The following TMEM170A variants were observed in gnomAD, a reference collection of about 807,000 sequenced individuals.
TMEM170A encodes transmembrane protein 170.
Under a neutral mutation model 12.8 loss-of-function variants are expected in TMEM170A, and 18 were observed. That is an observed-to-expected ratio of 1.41 (90% CI 0.97 to 2.09). The LOEUF (loss-of-function observed/expected upper bound fraction) is 2.09, where lower values mean the gene tolerates loss of function less well. Among genes scored for constraint, TMEM170A ranks in the 30% most tolerant of loss-of-function variants. The pLI, the probability that TMEM170A is intolerant of heterozygous loss-of-function variation, is 0.00. For synonymous variants in TMEM170A, 107 were observed against 76.2 expected (o/e 1.40, Z -2.11); for missense variants, 220 against 179.9 (o/e 1.22, Z -1.28).
chr16:75,464,658 C>G lies in TMEM170A; in HGVS notation c.-58G>C, dbSNP rs891286109. 111 of 1,534,500 alleles carry G rather than the reference C, an allele frequency of 7.2e-5. No individual in the cohort carries two copies. The highest frequency in any genetic ancestry group is 9.2e-5 in the Non-Finnish European group (106 of 1,148,444). ...CGAGCGCCCGAAGTGCGGTAGCGGC[C>G]GGCGCCGACTCACCCTCGCCGCCTC... On this transcript the variant is annotated 5_prime_UTR_variant, in exon 1 of 3. Transcript: ENST00000561878.
chr16:75,448,977 C>A (rs1233387470), intron 2 of TMEM170A, among the ~76,000 whole-genome samples: 1 of 151,958 alleles, frequency 6.6e-6, no homozygotes, highest in East Asian at 1.9e-4. Context: ...AGGGGGATCA[C>A]TTGAGCTAGG....
chr16:75,463,606 C>T (rs28502535), intron 1 of TMEM170A, among the ~76,000 whole-genome samples: 11,793 of 152,246 alleles, frequency 0.077, 923 homozygotes, highest in African/African-American at 0.2. Context: ...TTTATGAAGA[C>T]CTCAGTCCCC....
chr16:75,449,940 A>G (rs545386906), intron 2 of TMEM170A, among the ~76,000 whole-genome samples: 1 of 152,348 alleles, frequency 6.6e-6, no homozygotes, highest in South Asian at 2.1e-4. Context: ...CAGACTATTC[A>G]TAGAGCCTTA....
chr16:75,458,823 A>G (rs2079846403), intron 1 of TMEM170A: 1 of 152,242 alleles, frequency 6.6e-6, no homozygotes, highest in Admixed American at 6.5e-5. Flanking sequence ...ACATATCAGT[A>G]AAAAGACTAA....
At chr16:75,450,304 T>C (rs2079660311) in intron 2 of TMEM170A, among the ~76,000 whole-genome samples, 1 of 151,972 alleles carries the variant, frequency 6.6e-6, no homozygotes, top group South Asian at 2.1e-4. Context: ...TTCTATATTA[T>C]AAAAATGTAT....
chr16:75,449,653 T>A (rs994259419), intron 2 of TMEM170A, among the ~76,000 whole-genome samples: 5 of 152,326 alleles, frequency 3.3e-5, no homozygotes, highest in Non-Finnish European at 7.3e-5. Context: ...TATATTAACA[T>A]ATTTTAACAA....
At chr16:75,453,361 G>C (rs897638960) in intron 1 of TMEM170A, among the ~76,000 whole-genome samples, 1 of 152,168 alleles carries the variant, frequency 6.6e-6, no homozygotes, top group Non-Finnish European at 1.5e-5. Flanking sequence ...TTGAGCCTGG[G>C]AGGCAGAGGT....
intron 1 of TMEM170A, among the ~76,000 whole-genome samples, chr16:75,455,965 A>G (rs758127490): frequency 2.6e-5 from 4 of 151,896 alleles, no homozygotes; most frequent in Non-Finnish European, 4.4e-5. Flanking sequence ...CTGTAAGCAC[A>G]CTGTTAGTGT....
intron 2 of TMEM170A, among the ~76,000 whole-genome samples, chr16:75,447,989 C>T: frequency 6.6e-6 from 1 of 152,148 alleles, no homozygotes; most frequent in East Asian, 1.9e-4. Flanking sequence ...ATAGCAATTC[C>T]CACATGACCA....
At position 75,464,589 on chromosome 16, in the gene TMEM170A, C is replaced by T; in HGVS notation, c.12G>A (p.Glu4=). 6.3e-7 allele frequency: 1 copy of T among 1,586,052 alleles called. No homozygotes were observed. Among genetic ancestry groups the T allele is most frequent in the Non-Finnish European group, 8.6e-7 (1 of 1,168,858 alleles). Residue 4 remains glutamate, a synonymous_variant, in exon 1 of 3, where the codon GAG becomes GAA. Coordinates refer to ENST00000561878, the MANE Select transcript of TMEM170A (RefSeq NM_145254.3). Reference sequence around the variant, plus strand: ...CCGACCCGCCGCTGCCGCCGCTCCCCTCGCGCTCCATCCCGTCGCCATTCA... The same window carrying T: ...CCGACCCGCCGCTGCCGCCGCTCCCTTCGCGCTCCATCCCGTCGCCATTCA... MER[E]GSGGSGGSAG...
In TMEM170A at chr16:75,446,125, A is replaced by C. The variant is rs1365661341; in HGVS notation, c.*1433T>G. ...GGGTGGCAGAGGTTGGAGTGAGCTG[A>C]GATTGCACCACTGCACTCCAGCCTG... On this transcript the variant is annotated 3_prime_UTR_variant, in exon 3 of 3. Coordinates refer to ENST00000561878, the MANE Select transcript of TMEM170A (RefSeq NM_145254.3). The C allele has an allele frequency of 6.6e-6, 1 of 151,708 alleles. No individual in the cohort carries two copies. The highest frequency in any genetic ancestry group is 2.4e-5 in the African/African-American group (1 of 41,292). 9.4% of individuals were successfully genotyped at this position (151,708 alleles called of 1,614,324 possible). A position where few individuals can be genotyped will look rare whatever the true frequency, so the allele number is the denominator to read the frequency against.
intron 1 of TMEM170A, chr16:75,458,224 T>C (rs1206605276): frequency 6.6e-6 from 1 of 152,224 alleles, no homozygotes; most frequent in Admixed American, 6.5e-5. Context: ...CATCTCCCTA[T>C]GGTGAAGGTA....
intron 2 of TMEM170A, 116 bp downstream of exon 2, chr16:75,451,553 T>G: frequency 9.1e-7 from 1 of 1,100,444 alleles, no homozygotes; most frequent in East Asian, 2.5e-5. Flanking sequence ...CTGTCTGGAC[T>G]TGCAGTTAAA....
chr16:75,458,850 G>C (rs1410327140), intron 1 of TMEM170A: 1 of 152,054 alleles, frequency 6.6e-6, no homozygotes, highest in African/African-American at 2.4e-5. Context: ...TACCCTAAAA[G>C]ATATTTGAGG....
rs1179733742 is a variant in TMEM170A, at chr16:75,443,213, C to T, written c.*4345G>A. 2 of 151,940 alleles carry T rather than the reference C, an allele frequency of 1.3e-5. No individual in the cohort carries two copies. The highest frequency in any genetic ancestry group is 6.6e-5 in the Admixed American group (1 of 15,262). 9.4% of individuals were successfully genotyped at this position (151,940 alleles called of 1,614,324 possible). ...ATTACAAAAGATTAAACTCATTAGC[C>T]ACCAAAAAGAAATATAATTCCAACT... is the stretch of plus-strand genomic sequence containing the variant. On this transcript the variant is annotated 3_prime_UTR_variant, in exon 3 of 3. Transcript: ENST00000561878.
intron 2 of TMEM170A, among the ~76,000 whole-genome samples, chr16:75,451,001 G>A (rs1486602829): frequency 6.6e-6 from 1 of 152,084 alleles, no homozygotes; most frequent in Non-Finnish European, 1.5e-5. Flanking sequence ...TATCTTTACA[G>A]CAACCACACC....
chr16:75,454,162 CTGCACTG>C (rs1257346153), intron 1 of TMEM170A, among the ~76,000 whole-genome samples: 1 of 134,036 alleles, frequency 7.5e-6, no homozygotes, highest in African/African-American at 2.5e-5. Flanking sequence ...ATTGTGGGGG[CTGCACTG>C]TGCACTGCAG....
chr16:75,462,700 G>A (rs115551545), intron 1 of TMEM170A, among the ~76,000 whole-genome samples: 226 of 152,246 alleles, frequency 1.5e-3, no homozygotes, highest in African/African-American at 5.2e-3. Context: ...AAACAAGGAA[G>A]TAACTGTTTT....
chr16:75,458,875 A>T (rs1294902058), intron 1 of TMEM170A: 1 of 152,150 alleles, frequency 6.6e-6, no homozygotes, highest in Admixed American at 6.6e-5. Flanking sequence ...CCTTGAGGAT[A>T]TATTTTTACA....
Sources: allele counts gnomAD v4.1 joint callset (sites outside exome capture counted in the v4.1 genomes callset), GRCh38; gene constraint gnomAD v4.1.1; transcripts MANE v1.5; gene names NCBI Gene and HGNC (gene_info 2026-07-23, HGNC 2026-07-21).